RGS7: variants seen among roughly 807,000 people sequenced by gnomAD.
RGS7 encodes regulator of G-protein signaling 7.
A neutral mutation model predicts 81.1 loss-of-function variants in RGS7; 27 were observed. The ratio of observed to expected loss-of-function variants is 0.33; its 90% CI spans 0.25 to 0.46. The LOEUF is 0.46. Ranked by LOEUF, RGS7 falls within the 20% of genes least tolerant of loss-of-function variation. The probability of loss-of-function intolerance (pLI) is 1.00; values close to 1 mark genes in which losing one functional copy is unlikely to be tolerated. For synonymous variants in RGS7, 208 were observed against 207.7 expected (o/e 1.00, Z -0.01); for missense variants, 396 against 607.4 (o/e 0.65, Z 3.66).
intron 3 of RGS7, among the ~76,000 whole-genome samples, chr1:241,030,564 T>A (rs2060037320): frequency 6.7e-6 from 1 of 148,874 alleles, no homozygotes; most frequent in Non-Finnish European, 1.5e-5. Context: ...AATTGCTCAA[T>A]CCCAAATCTG....
At chr1:241,290,095 TC>T (rs1359383832) in intron 2 of RGS7, among the ~76,000 whole-genome samples, 1 of 152,206 alleles carries the variant, frequency 6.6e-6, no homozygotes, top group Admixed American at 6.5e-5. Context: ...TGCATGCAAA[TC>T]TCCCTTTAAA....
chr1:241,176,114 C>T (rs2071123312), intron 2 of RGS7, among the ~76,000 whole-genome samples: 1 of 152,136 alleles, frequency 6.6e-6, no homozygotes, highest in Non-Finnish European at 1.5e-5. Context: ...GCTAATCTGC[C>T]TAGACAGTAA....
chr1:240,890,170 T>C (rs1482649782), intron 6 of RGS7, among the ~76,000 whole-genome samples: 2 of 152,248 alleles, frequency 1.3e-5, no homozygotes, highest in East Asian at 3.8e-4. Context: ...TCTTTTTTTT[T>C]TGAGACGGAG....
intron 6 of RGS7, among the ~76,000 whole-genome samples, chr1:240,921,776 T>C (rs1156729881): frequency 6.6e-6 from 1 of 152,032 alleles, no homozygotes; most frequent in Non-Finnish European, 1.5e-5. Context: ...TGGAAAGACA[T>C]ACCAAATATG....
At chr1:240,903,641 A>T (rs113742164) in intron 6 of RGS7, among the ~76,000 whole-genome samples, 2,708 of 152,214 alleles carry the variant, frequency 0.018, 30 homozygotes, top group Non-Finnish European at 0.029. Context: ...TATGGTTTGG[A>T]TATCTGACCC....
intron 3 of RGS7, among the ~76,000 whole-genome samples, chr1:241,002,616 C>T (rs1688314957): frequency 6.6e-6 from 1 of 152,186 alleles, no homozygotes; most frequent in Admixed American, 6.5e-5. Context: ...TAATTGCCCA[C>T]TTAGACACAG....
At chr1:241,077,813 C>T (rs373501811) in intron 3 of RGS7, among the ~76,000 whole-genome samples, 4 of 152,100 alleles carry the variant, frequency 2.6e-5, no homozygotes, top group East Asian at 3.9e-4. Context: ...AAAAAGAAAG[C>T]GTCTGGATCA....
chr1:240,887,959 T>C (rs570399199), intron 6 of RGS7, among the ~76,000 whole-genome samples: 68 of 152,346 alleles, frequency 4.5e-4, no homozygotes, highest in Non-Finnish European at 9.0e-4. Flanking sequence ...CACTTGGGGA[T>C]ACAAAAGATT....
chr1:241,283,089 T>TA (rs2078613031), intron 2 of RGS7, among the ~76,000 whole-genome samples: 1 of 152,180 alleles, frequency 6.6e-6, no homozygotes, highest in South Asian at 2.1e-4. Context: ...GTCCTTTTTA[T>TA]AAAAAGCTGT....
chr1:240,972,576 T>G, intron 4 of RGS7, among the ~76,000 whole-genome samples: 1 of 129,756 alleles, frequency 7.7e-6, no homozygotes, highest in Admixed American at 7.7e-5. Flanking sequence ...GGGATAGCAT[T>G]GGGAGATATA....
rs117300952 is a variant in RGS7 at position 241,125,615 on chromosome 1, T to C, written c.79-26853A>G. ...CACTTCTCTAGTTAGAAAAAAATTA[T>C]CATGCCAGTTGCTAAAACAAAAAAA... On this transcript the variant is annotated intron_variant, in intron 2 of 18. Coordinates refer to ENST00000440928, the MANE Select transcript of RGS7 (RefSeq NM_001364886.1). 4.7e-4 allele frequency among the ~76,000 whole-genome samples: 72 copies of C among 152,152 alleles called. 1 individual carries two copies. In the East Asian group the frequency reaches 0.011, roughly 23 times the overall value.
Position 241,008,138 on chromosome 1 carries a change from AAAAC to A in RGS7, c.176-25013_176-25010del, listed in dbSNP as rs760874484. 8.0e-5 allele frequency among the ~76,000 whole-genome samples: 12 copies of A among 150,406 alleles called. No homozygotes were observed. In the East Asian group the frequency reaches 1.4e-3, roughly 17 times the overall value. ...ACAAAAGACAAACAAACAAACAAAC[AAAAC>A]AAACAAAAAAACAATAACAAAAACT... On this transcript the variant is annotated intron_variant, in intron 3 of 18. Coordinates refer to ENST00000440928, the MANE Select transcript of RGS7 (RefSeq NM_001364886.1).
intron 9 of RGS7, among the ~76,000 whole-genome samples, chr1:240,843,094 G>A (rs545555969): frequency 6.6e-6 from 1 of 151,948 alleles, no homozygotes; most frequent in Admixed American, 6.6e-5. Flanking sequence ...GAACCCAGGA[G>A]GCAGAGGTTG....
intron 2 of RGS7, among the ~76,000 whole-genome samples, chr1:241,309,453 G>A (rs1443680268): frequency 6.6e-6 from 1 of 151,234 alleles, no homozygotes; most frequent in Non-Finnish European, 1.5e-5. Context: ...AGGTGTCTAT[G>A]AGAAACAGAA....
chr1:241,074,839 CA>C (rs2062697738), intron 3 of RGS7, among the ~76,000 whole-genome samples: 1 of 152,110 alleles, frequency 6.6e-6, no homozygotes, highest in South Asian at 2.1e-4. Context: ...GCGGTAGCTA[CA>C]ATTAGTGTAA....
At position 240,966,467 on chromosome 1, in the gene RGS7, G is replaced by A. The variant is rs78026241; in HGVS notation, c.226+16612C>T. Among the ~76,000 whole-genome samples, 655 of 151,982 alleles carry A rather than the reference G, an allele frequency of 4.3e-3. 4 individuals are homozygous for A. Among genetic ancestry groups the A allele is most frequent in the African/African-American group, 0.015 (613 of 41,444 alleles). ...TGGGTTTTCTCTTTATGATTTGTACGAATTCTTGTTATGGCCTTGCTGTTC... is the reference window on the plus strand; with the variant it reads ...TGGGTTTTCTCTTTATGATTTGTACAAATTCTTGTTATGGCCTTGCTGTTC... On this transcript the variant is annotated intron_variant, in intron 4 of 18. Coordinates refer to ENST00000440928, the MANE Select transcript of RGS7 (RefSeq NM_001364886.1).
intron 2 of RGS7, among the ~76,000 whole-genome samples, chr1:241,307,392 T>A (rs1025535886): frequency 1.1e-4 from 16 of 152,264 alleles, no homozygotes; most frequent in Non-Finnish European, 5.9e-5. Flanking sequence ...TTATATTTTT[T>A]AAAATCAGGC....
At chr1:240,936,097 G>A (rs537835879) in intron 5 of RGS7, among the ~76,000 whole-genome samples, 1 of 152,182 alleles carries the variant, frequency 6.6e-6, no homozygotes, top group East Asian at 1.9e-4. Context: ...CAGTTTGCAA[G>A]TTATCTGAGG....
intron 3 of RGS7, among the ~76,000 whole-genome samples, chr1:241,008,871 C>A (rs1572239969): frequency 7.3e-6 from 1 of 136,772 alleles, no homozygotes; most frequent in East Asian, 2.2e-4. Context: ...GAGATTGTAC[C>A]ATTGCACTCC....
Sources: gnomAD v4.1 joint callset for allele counts (sites outside exome capture counted in the v4.1 genomes callset) on GRCh38, gnomAD v4.1.1 for gene constraint, MANE v1.5 for transcripts, NCBI Gene and HGNC (gene_info 2026-07-23, HGNC 2026-07-21) for gene names.